STAB2: variants seen among roughly 807,000 people sequenced by gnomAD.
STAB2 encodes stabilin-2.
STAB2 carries 288 observed loss-of-function variants against 338.1 expected under a neutral mutation model. That is an observed-to-expected ratio of 0.85 (90% CI 0.77 to 0.94). The LOEUF (loss-of-function observed/expected upper bound fraction) is 0.94, where lower values mean the gene tolerates loss of function less well. Ranked by LOEUF, STAB2 falls within the 40% of genes least tolerant of loss-of-function variation. The pLI, the probability that STAB2 is intolerant of heterozygous loss-of-function variation, is 0.00. For missense variants in STAB2, 3,141 were observed against 3,210.1 expected, an observed-to-expected ratio of 0.98 and a Z score of 0.52; for synonymous variants, 1,202 against 1,193.3, an observed-to-expected ratio of 1.01 and a Z score of -0.15.
intron 27 of STAB2, among the ~76,000 whole-genome samples, chr12:103,686,820 C>A (rs697202): frequency 0.29 from 44,752 of 152,016 alleles, 7,335 homozygotes; most frequent in East Asian, 0.41. Flanking sequence ...AACAGCTTTC[C>A]GCTGCAGTTT....
Position 103,761,301 on chromosome 12 carries a change from C to T in STAB2, c.7250C>T (p.Thr2417Met), listed in dbSNP as rs529403514. ...TCAACCCTCTTCTCATTTCCCTAGA[C>T]GGAGACCAGGTTTGTTGATGGAAGA... ...ITASQDPLQP[T>M]ETRFVDGRAI... The change falls in exon 66 of 69, where the codon ACG becomes ATG. Residue 2417 changes from threonine to methionine, a missense_variant and splice_region_variant. Physicochemically the swap from Thr to Met is moderately conservative, Grantham distance 81. Transcript: ENST00000388887. 5.1e-5 allele frequency: 82 copies of T among 1,613,796 alleles called. No homozygotes were observed. Among genetic ancestry groups the T allele is most frequent in the African/African-American group, 3.9e-4 (29 of 75,012 alleles).
intron 24 of STAB2, 25 bp from the exon 25 acceptor site, chr12:103,677,428 T>G (rs1282776512): frequency 6.3e-7 from 1 of 1,593,768 alleles, no homozygotes; most frequent in South Asian, 1.1e-5. Context: ...ATTCAGAGGC[T>G]TTGCTTTTTC....
chr12:103,625,039 T>C (rs1021199868), intron 5 of STAB2, among the ~76,000 whole-genome samples: 3 of 152,008 alleles, frequency 2.0e-5, no homozygotes, highest in Admixed American at 1.3e-4. Flanking sequence ...CAGTCAACTA[T>C]ATAGAAATAG....
intron 38 of STAB2, among the ~76,000 whole-genome samples, chr12:103,708,068 G>C (rs774261497): frequency 6.6e-6 from 1 of 152,168 alleles, no homozygotes; most frequent in Non-Finnish European, 1.5e-5. Context: ...TGTCAAATGG[G>C]CTTCTTCCTG....
At chr12:103,688,970 C>T (rs768491298) in intron 28 of STAB2, among the ~76,000 whole-genome samples, 2 of 151,830 alleles carry the variant, frequency 1.3e-5, no homozygotes, top group Non-Finnish European at 1.5e-5. Context: ...GGAGTATTTA[C>T]GCCATAGAAA....
intron 44 of STAB2, among the ~76,000 whole-genome samples, chr12:103,722,526 T>C (rs1880848948): frequency 6.6e-6 from 1 of 152,190 alleles, no homozygotes; most frequent in African/African-American, 2.4e-5. Flanking sequence ...GCAAGGATCT[T>C]CCTGGGCAAA....
In STAB2 at chr12:103,617,914, G is replaced by A. The variant is rs564336374; in HGVS notation, c.332-2554G>A. 6.5e-4 allele frequency among the ~76,000 whole-genome samples: 99 copies of A among 152,322 alleles called. 2 individuals carry two copies. Among genetic ancestry groups the A allele is most frequent in the South Asian group, 5.8e-3 (28 of 4,826 alleles). On this transcript the variant is annotated intron_variant, in intron 3 of 68. Coordinates refer to ENST00000388887, the MANE Select transcript of STAB2 (RefSeq NM_017564.10). The stretch of plus-strand genomic sequence containing the variant: ...CAAAATGGGCAATTTAGACTGTGTC[G>A]TTTACTAATATTCTGGATGCAGGAA...
chr12:103,597,805 G>A (rs938563572), intron 3 of STAB2, among the ~76,000 whole-genome samples: 10 of 151,746 alleles, frequency 6.6e-5, no homozygotes, highest in African/African-American at 1.7e-4. Context: ...TGCCATGAAC[G>A]TTAATGGATT....
In STAB2 at chr12:103,766,324, G is replaced by A. The variant is rs1266735512; in HGVS notation, c.7644G>A (p.Leu2548=). The change falls in exon 69 of 69, where the codon TTG becomes TTA. Residue 2548 remains leucine (L), a synonymous_variant. Transcript: ENST00000388887. The part of the protein sequence containing the change: ...EERQLEGNDP[L]RTL The stretch of plus-strand genomic sequence containing the variant: ...GGCAGCTTGAGGGCAATGACCCCTT[G>A]AGGACACTGTGAGGGCCTGGACGGG... The A allele has an allele frequency of 1.2e-6, 2 of 1,613,264 alleles. No individual in the cohort carries two copies. Among genetic ancestry groups the A allele is most frequent in the South Asian group, 1.1e-5 (1 of 91,010 alleles).
chr12:103,713,814 T>C (rs977693587), intron 42 of STAB2, 46 bp downstream of exon 42: 19 of 1,607,124 alleles, frequency 1.2e-5, no homozygotes, highest in East Asian at 2.2e-5. Flanking sequence ...ATAAGAGTCA[T>C]AGCCCTATTA....
intron 5 of STAB2, among the ~76,000 whole-genome samples, chr12:103,630,163 T>G (rs1957437558): frequency 6.6e-6 from 1 of 152,074 alleles, no homozygotes; most frequent in African/African-American, 2.4e-5. Context: ...AAACTGGAAA[T>G]AGCAAGACGA....
In STAB2 at chr12:103,670,711, G is replaced by C; in HGVS notation, c.2275G>C (p.Gly759Arg). 6.2e-7 allele frequency: 1 copy of C among 1,614,004 alleles called. No homozygotes were observed. The highest frequency in any genetic ancestry group is 8.5e-7 in the Non-Finnish European group (1 of 1,179,974). Residue 759 changes from glycine to arginine, a missense_variant, in exon 22 of 69, where the codon GGC (glycine) becomes CGC (arginine). Gly to Arg is a moderately radical substitution (Grantham distance 125, BLOSUM62 -2). Coordinates refer to ENST00000388887, the MANE Select transcript of STAB2 (RefSeq NM_017564.10). ...SGNGQCADSL[G>R]GNGTCICEEG... Reference sequence around the variant, plus strand: ...TTGCTCCCAGTGTGCAGATAGCCTCGGCGGCAACGGGACATGCATTTGTGA... The same window carrying C: ...TTGCTCCCAGTGTGCAGATAGCCTCCGCGGCAACGGGACATGCATTTGTGA...
intron 3 of STAB2, among the ~76,000 whole-genome samples, chr12:103,595,620 T>A (rs1956864147): frequency 6.6e-6 from 1 of 152,230 alleles, no homozygotes; most frequent in Admixed American, 6.5e-5. Flanking sequence ...TCAATATTGC[T>A]GACATTAGGT....
chr12:103,673,321 A>C (rs1416722645), intron 22 of STAB2, among the ~76,000 whole-genome samples: 1 of 152,054 alleles, frequency 6.6e-6, no homozygotes, highest in African/African-American at 2.4e-5. Flanking sequence ...CATATAGATA[A>C]AAAGGAGTTC....
intron 63 of STAB2, among the ~76,000 whole-genome samples, chr12:103,757,534 G>T (rs1333276272): frequency 6.6e-5 from 10 of 152,232 alleles, no homozygotes; most frequent in Admixed American, 6.5e-4. Flanking sequence ...AGCAGGGCTT[G>T]GGGGGCACCC....
chr12:103,758,374 C>G (rs1884291324), intron 64 of STAB2, 85 bp downstream of exon 64: 2 of 1,583,398 alleles, frequency 1.3e-6, no homozygotes, highest in African/African-American at 1.3e-5. Context: ...TACCTGAAAA[C>G]TCAGTGGCTA....
chr12:103,663,322 T>C (rs56983946), intron 18 of STAB2, among the ~76,000 whole-genome samples: 129 of 152,300 alleles, frequency 8.5e-4, no homozygotes, highest in African/African-American at 2.9e-3. Flanking sequence ...AGGTCAGAAG[T>C]CTGAAATCAA....
intron 58 of STAB2, 61 bp downstream of exon 58, chr12:103,746,765 C>T: frequency 3.3e-6 from 5 of 1,532,754 alleles, no homozygotes; most frequent in East Asian, 2.3e-5. Flanking sequence ...GCAGGACTTG[C>T]TCACAGTGCC....
intron 27 of STAB2, 87 bp from the exon 28 acceptor site, chr12:103,688,081 A>G (rs2138894378): frequency 7.5e-7 from 1 of 1,333,764 alleles, no homozygotes; most frequent in East Asian, 2.3e-5. Flanking sequence ...CAGGTGACCC[A>G]GAGATGCACT....
Sources: gnomAD v4.1 joint callset for allele counts (sites outside exome capture counted in the v4.1 genomes callset) on GRCh38, gnomAD v4.1.1 for gene constraint, MANE v1.5 for transcripts, NCBI Gene and HGNC (gene_info 2026-07-23, HGNC 2026-07-21) for gene names.